The following VEPH1 variants were observed in gnomAD, a reference collection of about 807,000 sequenced individuals.
VEPH1 encodes the protein ventricular zone-expressed PH domain-containing protein homolog 1.
In VEPH1, 80 loss-of-function variants were observed where a neutral mutation model predicts 85.2. The observed-to-expected ratio is 0.94, with a 90% CI of 0.78 to 1.13. VEPH1 has a LOEUF of 1.13. VEPH1 is among the 50% of genes most tolerant of loss of function. The pLI is 0.00. For synonymous variants in VEPH1, 297 were observed against 348.0 expected (o/e 0.85, Z 1.63); for missense variants, 955 against 980.5 (o/e 0.97, Z 0.35).
At chr3:157,315,200 T>C (rs1720612411) in intron 10 of VEPH1, among the ~76,000 whole-genome samples, 1 of 152,044 alleles carries the variant, frequency 6.6e-6, no homozygotes, top group African/African-American at 2.4e-5. Context: ...TGAATGAAGA[T>C]TAATAAATAC....
chr3:157,494,308 C>A (rs569152657), intron 2 of VEPH1, among the ~76,000 whole-genome samples: 48 of 152,108 alleles, frequency 3.2e-4, no homozygotes, highest in African/African-American at 1.1e-3. Context: ...TTGAGTCCCA[C>A]CACTTTCATC....
chr3:157,498,224 G>C (rs1245495188), intron 1 of VEPH1, among the ~76,000 whole-genome samples: 1 of 152,202 alleles, frequency 6.6e-6, no homozygotes, highest in South Asian at 2.1e-4. Context: ...TCCCAGCTCA[G>C]CTATTCAGCG....
At chr3:157,399,452 A>G (rs1730656672) in intron 6 of VEPH1, among the ~76,000 whole-genome samples, 1 of 152,170 alleles carries the variant, frequency 6.6e-6, no homozygotes, top group Non-Finnish European at 1.5e-5. Flanking sequence ...CTAGATATCT[A>G]TATCATTTTC....
At chr3:157,424,444 G>A (rs1732602189) in intron 5 of VEPH1, among the ~76,000 whole-genome samples, 1 of 152,198 alleles carries the variant, frequency 6.6e-6, no homozygotes, top group South Asian at 2.1e-4. Flanking sequence ...TTGGAACTGG[G>A]TAACAGGCAG....
intron 9 of VEPH1, among the ~76,000 whole-genome samples, chr3:157,346,930 A>T (rs1724292206): frequency 6.6e-6 from 1 of 152,164 alleles, no homozygotes; most frequent in African/African-American, 2.4e-5. Context: ...TTTTGAATTA[A>T]ATCCTTTTAT....
At chr3:157,372,176 A>G (rs1399247868) in intron 7 of VEPH1, among the ~76,000 whole-genome samples, 1 of 152,228 alleles carries the variant, frequency 6.6e-6, no homozygotes, top group African/African-American at 2.4e-5. Context: ...TGACACTGGA[A>G]GAGCAGGAAA....
chr3:157,264,216 C>T (rs1391539091), intron 13 of VEPH1, among the ~76,000 whole-genome samples: 1 of 152,204 alleles, frequency 6.6e-6, no homozygotes, highest in Non-Finnish European at 1.5e-5. Flanking sequence ...GGTTTTGGGG[C>T]CTTCAGACTC....
At chr3:157,364,194 G>T (rs1726369368) in intron 8 of VEPH1, 109 bp downstream of exon 8, 3 of 773,166 alleles carry the variant, frequency 3.9e-6, no homozygotes, top group Non-Finnish European at 6.1e-6. Context: ...TGGCACTTTG[G>T]GTGGCAATGG....
chr3:157,368,484 T>TTTTG lies in VEPH1; in HGVS notation c.1128-3973_1128-3972insCAAA, dbSNP rs1173970808. Among the ~76,000 whole-genome samples the TTTTG allele has an allele frequency of 3.2e-3, 481 of 148,946 alleles. 1 individual carries two copies. Among genetic ancestry groups the TTTTG allele is most frequent in the African/African-American group, 0.011 (449 of 39,070 alleles). The stretch of plus-strand genomic sequence containing the variant: ...TTTCAGATAAACAATAAGTTTTTTG[T>TTTTG]TTGTTTGTTTGTTTGTTTGTTTTTT... On this transcript the variant is annotated intron_variant, in intron 7 of 13. Coordinates refer to ENST00000362010, the MANE Select transcript of VEPH1 (RefSeq NM_001167912.2).
intron 4 of VEPH1, among the ~76,000 whole-genome samples, chr3:157,431,729 T>A (rs1168471754): frequency 6.6e-6 from 1 of 152,006 alleles, no homozygotes; most frequent in Non-Finnish European, 1.5e-5. Context: ...TTGCCAACAT[T>A]TGGTTGTGAC....
chr3:157,374,725 G>T (rs897742042), intron 7 of VEPH1, among the ~76,000 whole-genome samples: 1 of 152,198 alleles, frequency 6.6e-6, no homozygotes, highest in African/African-American at 2.4e-5. Flanking sequence ...TCATGGAGAA[G>T]TAGTACCAAA....
At chr3:157,488,202 A>G (rs1404469639) in intron 2 of VEPH1, among the ~76,000 whole-genome samples, 1 of 152,082 alleles carries the variant, frequency 6.6e-6, no homozygotes, top group Admixed American at 6.6e-5. Flanking sequence ...TCTAAATACC[A>G]GCCCATTTCT....
chr3:157,331,958 T>C (rs780885600), intron 9 of VEPH1, among the ~76,000 whole-genome samples: 5 of 152,234 alleles, frequency 3.3e-5, no homozygotes, highest in Admixed American at 6.5e-5. Context: ...CTGCCAGTTA[T>C]GTGATCTTAA....
intron 11 of VEPH1, among the ~76,000 whole-genome samples, chr3:157,293,411 A>T (rs1417691279): frequency 1.3e-5 from 2 of 152,208 alleles, no homozygotes; most frequent in Non-Finnish European, 2.9e-5. Flanking sequence ...CACTAAATAA[A>T]CTTATACTTC....
intron 7 of VEPH1, among the ~76,000 whole-genome samples, chr3:157,377,673 G>A (rs986569751): frequency 2.6e-5 from 4 of 152,094 alleles, no homozygotes; most frequent in South Asian, 2.1e-4. Context: ...TGCTTGGCAC[G>A]TCTTCTTGCT....
chr3:157,325,188 G>GT (rs969468314), intron 9 of VEPH1, among the ~76,000 whole-genome samples: 39 of 150,222 alleles, frequency 2.6e-4, no homozygotes, highest in African/African-American at 5.4e-4. Flanking sequence ...GGAGTTGTTT[G>GT]TTTTTTTTTC....
At chr3:157,433,540 T>C (rs1215255272) in intron 4 of VEPH1, among the ~76,000 whole-genome samples, 1 of 152,218 alleles carries the variant, frequency 6.6e-6, no homozygotes, top group African/African-American at 2.4e-5. Context: ...AATCTTGCAG[T>C]CTTGGAATAA....
At chr3:157,449,235 T>C (rs1350509363) in intron 4 of VEPH1, among the ~76,000 whole-genome samples, 2 of 152,218 alleles carry the variant, frequency 1.3e-5, no homozygotes, top group Non-Finnish European at 1.5e-5. Context: ...TTTAGTTTAG[T>C]TGTTTAGTAT....
intron 4 of VEPH1, chr3:157,442,485 GTAT>G: frequency 6.2e-7 from 1 of 1,614,182 alleles, no homozygotes; most frequent in Non-Finnish European, 8.5e-7. Context: ...AGCCACAGAT[GTAT>G]TAAACAAAAC....
Sources: gnomAD v4.1 joint callset for allele counts (sites outside exome capture counted in the v4.1 genomes callset) on GRCh38, gnomAD v4.1.1 for gene constraint, MANE v1.5 for transcripts, NCBI Gene and HGNC (gene_info 2026-07-23, HGNC 2026-07-21) for gene names.